OR11A1: variants seen among roughly 807,000 people sequenced by gnomAD.
The protein encoded by OR11A1 is olfactory receptor 11A1.
For synonymous variants in OR11A1, 158 were observed against 152.2 expected (o/e 1.04, Z -0.28); for missense variants, 380 against 378.2 (o/e 1.00, Z -0.04).
At chr6:29,452,465 T>C (rs1356875426) in intron 1 of OR11A1, among the ~76,000 whole-genome samples, 3 of 152,030 alleles carry the variant, frequency 2.0e-5, no homozygotes, top group Non-Finnish European at 2.9e-5. Flanking sequence ...ACATACATCA[T>C]AAACTGAGAA....
intron 1 of OR11A1, chr6:29,440,614 T>C (rs1168020605): frequency 1.2e-6 from 2 of 1,613,920 alleles, no homozygotes; most frequent in Non-Finnish European, 1.7e-6. Flanking sequence ...CAGATTATCC[T>C]GGCAACAGCC....
intron 1 of OR11A1, among the ~76,000 whole-genome samples, chr6:29,437,598 T>A (rs1008608755): frequency 6.9e-6 from 1 of 145,096 alleles, no homozygotes; most frequent in Non-Finnish European, 1.5e-5. Context: ...AACGATGTCA[T>A]CTCCCATCTT....
intron 1 of OR11A1, among the ~76,000 whole-genome samples, chr6:29,442,612 C>G (rs554681298): frequency 2.6e-5 from 4 of 152,304 alleles, no homozygotes; most frequent in African/African-American, 9.6e-5. Flanking sequence ...TATCAGAGAA[C>G]AGTTTGCAAA....
At chr6:29,439,943 C>A in intron 1 of OR11A1, 1 of 1,156,080 alleles carries the variant, frequency 8.6e-7, no homozygotes, top group Non-Finnish European at 1.3e-6. Flanking sequence ...CATCTTTGCC[C>A]ATTTCACGAT....
At chr6:29,430,530 G>A in intron 2 of OR11A1, 105 bp from the exon 3 acceptor site, 3 of 722,724 alleles carry the variant, frequency 4.2e-6, no homozygotes, top group Non-Finnish European at 5.1e-6. Context: ...ATTGGAGCTG[G>A]AGGCTATTAT....
chr6:29,436,393 CT>C (rs1426033883), intron 1 of OR11A1, among the ~76,000 whole-genome samples: 1 of 152,130 alleles, frequency 6.6e-6, no homozygotes, highest in African/African-American at 2.4e-5. Flanking sequence ...TGCAATGGAT[CT>C]TACGGAGAAA....
At position 29,427,692 on chromosome 6, in the gene OR11A1, A is replaced by G; in HGVS notation, c.-51T>C. 1.3e-6 allele frequency: 2 copies of G among 1,558,892 alleles called. No individual in the cohort carries two copies. The highest frequency in any genetic ancestry group is 8.7e-7 in the Non-Finnish European group (1 of 1,153,544). On this transcript the variant is annotated 5_prime_UTR_variant, in exon 5 of 5. The change abolishes an upstream ATG in the 5' untranslated region. Coordinates refer to ENST00000377149, the MANE Select transcript of OR11A1 (RefSeq NM_001394828.1). ...CAATAATTGGGGGAGAAATTTTAGC[A>G]TGTCTCTGCATCTTCTATACCAAGC... is the stretch of plus-strand genomic sequence containing the variant.
chr6:29,456,519 A>T (rs1315777668), intron 1 of OR11A1, among the ~76,000 whole-genome samples: 1 of 152,164 alleles, frequency 6.6e-6, no homozygotes, highest in Non-Finnish European at 1.5e-5. Context: ...CAAAAAAAAA[A>T]AAATTAAATT....
chr6:29,436,132 C>T (rs1783613527), intron 1 of OR11A1, among the ~76,000 whole-genome samples: 2 of 152,160 alleles, frequency 1.3e-5, no homozygotes, highest in African/African-American at 4.8e-5. Flanking sequence ...CGTTCATGGA[C>T]AAGTGCATGA....
chr6:29,430,279 G>A lies in OR11A1; in HGVS notation c.-140+22C>T, dbSNP rs114561847. Reference sequence around the variant, plus strand: ...GTTCTGTTATTGCCCTCCAACTCCCGTCTCTAAAGCTATTCTCTTACCCTT... The same window carrying A: ...GTTCTGTTATTGCCCTCCAACTCCCATCTCTAAAGCTATTCTCTTACCCTT... On this transcript the variant is annotated intron_variant, in intron 3 of 4. Coordinates refer to ENST00000377149, the MANE Select transcript of OR11A1 (RefSeq NM_001394828.1). 7.3e-3 allele frequency: 7,187 copies of A among 985,204 alleles called. 211 individuals are homozygous for A. In the African/African-American group the frequency reaches 0.078, roughly 11 times the overall value. 61.0% of individuals were successfully genotyped at this position (985,204 alleles called of 1,614,324 possible).
In OR11A1 at chr6:29,445,342, G is replaced by T. The variant is rs149489208; in HGVS notation, c.-389+11645C>A. On this transcript the variant is annotated intron_variant, in intron 1 of 4. Coordinates refer to ENST00000377149, the MANE Select transcript of OR11A1 (RefSeq NM_001394828.1). Reference sequence around the variant, plus strand: ...CTTTAGCTTTGCAGAACTGAAGTAAGAAGTGACTGTGGCATCAGGGAGGGA... The same window carrying T: ...CTTTAGCTTTGCAGAACTGAAGTAATAAGTGACTGTGGCATCAGGGAGGGA... Among the ~76,000 whole-genome samples, 1,217 of 152,324 alleles carry T rather than the reference G, an allele frequency of 8.0e-3. 14 individuals carry two copies. Among genetic ancestry groups the T allele is most frequent in the East Asian group, 0.025 (131 of 5,180 alleles).
In OR11A1 at chr6:29,449,518, C is replaced by T. The variant is rs190608171; in HGVS notation, c.-389+7469G>A. Reference sequence around the variant, plus strand: ...TATCAAAAATAAATTACTCAAGCTACGTCTCACAAAAAAGTATCTTTCTTT... The same window carrying T: ...TATCAAAAATAAATTACTCAAGCTATGTCTCACAAAAAAGTATCTTTCTTT... On this transcript the variant is annotated intron_variant, in intron 1 of 4. Transcript: ENST00000377149. Among the ~76,000 whole-genome samples the T allele has an allele frequency of 2.8e-3, 426 of 152,308 alleles. 3 individuals carry two copies. Among genetic ancestry groups the T allele is most frequent in the Middle Eastern group, 0.02 (6 of 294 alleles).
At position 29,456,072 on chromosome 6, in the gene OR11A1, A is replaced by G. The variant is rs150383569; in HGVS notation, c.-389+915T>C. Among the ~76,000 whole-genome samples, 971 of 151,716 alleles carry G rather than the reference A, an allele frequency of 6.4e-3. 9 individuals are homozygous for G. Among genetic ancestry groups the G allele is most frequent in the Middle Eastern group, 0.01 (3 of 294 alleles). On this transcript the variant is annotated intron_variant, in intron 1 of 4. Transcript: ENST00000377149. ...TGGTGAAACACCGTCTCTACTAAAT[A>G]TACAATAATTAGCTGGGCATGGTGG...
intron 1 of OR11A1, chr6:29,440,834 G>T (rs1168369760): frequency 6.2e-7 from 1 of 1,613,926 alleles, no homozygotes; most frequent in African/African-American, 1.3e-5. Context: ...ACCCTCTGGT[G>T]TCCCTCTTCT....
At chr6:29,431,143 TAG>T (rs1783200157) in intron 2 of OR11A1, among the ~76,000 whole-genome samples, 1 of 152,142 alleles carries the variant, frequency 6.6e-6, no homozygotes, top group Non-Finnish European at 1.5e-5. Flanking sequence ...TGAGATAGCA[TAG>T]AGTCCTTAAT....
In OR11A1 at chr6:29,425,911, A is replaced by T. The variant is rs890923337; in HGVS notation, c.*783T>A. On this transcript the variant is annotated 3_prime_UTR_variant, in exon 5 of 5. Transcript: ENST00000377149. ...ACAATGTACAGTAAAAGAATAGAAT[A>T]CAACTAAAAATTCCCAAAATAGAAT... is the stretch of plus-strand genomic sequence containing the variant. The T allele has an allele frequency of 1.3e-5, 2 of 152,230 alleles. No individual in the cohort carries two copies. Among genetic ancestry groups the T allele is most frequent in the African/African-American group, 4.8e-5 (2 of 41,464 alleles). The allele number at this position is 152,230 out of a possible 1,614,324, so 9.4% of individuals were successfully genotyped here.
intron 2 of OR11A1, among the ~76,000 whole-genome samples, chr6:29,431,325 T>G (rs1783214971): frequency 6.6e-6 from 1 of 152,168 alleles, no homozygotes; most frequent in Admixed American, 6.5e-5. Flanking sequence ...AAAAGTTAAT[T>G]CAGTTTGATT....
chr6:29,437,080 G>A (rs943306973), intron 1 of OR11A1, among the ~76,000 whole-genome samples: 2 of 152,174 alleles, frequency 1.3e-5, no homozygotes, highest in South Asian at 2.1e-4. Context: ...ACACTTTTAC[G>A]CTGTTGGTGG....
chr6:29,440,119 T>G, intron 1 of OR11A1: 1 of 1,613,406 alleles, frequency 6.2e-7, no homozygotes, highest in Non-Finnish European at 8.5e-7. Flanking sequence ...ACTATCTACC[T>G]GCTGACCGTG....
Sources: gnomAD v4.1 joint callset for allele counts (sites outside exome capture counted in the v4.1 genomes callset) on GRCh38, gnomAD v4.1.1 for gene constraint, MANE v1.5 for transcripts, NCBI Gene and HGNC (gene_info 2026-07-23, HGNC 2026-07-21) for gene names.